TRIM41: variants seen among roughly 807,000 people sequenced by gnomAD.
TRIM41 encodes E3 ubiquitin-protein ligase TRIM41.
In TRIM41, 21 loss-of-function variants were observed where a neutral mutation model predicts 60.6. The ratio of observed to expected loss-of-function variants is 0.35; its 90% CI spans 0.25 to 0.50. The LOEUF is 0.50. Among genes scored for constraint, TRIM41 ranks in the 20% least tolerant of loss-of-function variants. The probability of loss-of-function intolerance (pLI) is 0.98; values close to 1 mark genes in which losing one functional copy is unlikely to be tolerated. For synonymous variants in TRIM41, 407 were observed against 344.9 expected, an observed-to-expected ratio of 1.18 and a Z score of -2.00; for missense variants, 846 against 868.3, an observed-to-expected ratio of 0.97 and a Z score of 0.32.
At position 181,234,562 on chromosome 5, in the gene TRIM41, G is replaced by C. The variant is rs528680158; in HGVS notation, c.1680G>C (p.Gln560His). Residue 560 changes from glutamine (Q) to histidine (H), a missense_variant, in exon 6 of 6, where the codon CAG becomes CAC. Physicochemically the swap from Gln to His is conservative, Grantham distance 24. Coordinates refer to ENST00000315073, the MANE Select transcript of TRIM41 (RefSeq NM_033549.5). This position sits in a 1 kb window ranked among gnomAD's most constrained non-coding sequence, Gnocchi z 5.6. ...WCVGTNGKRY[Q>H]AQSSTEQTLL... ...TGGGCACCAACGGCAAACGCTATCA[G>C]GCCCAGAGCTCCACAGAACAGACGC... The C allele has an allele frequency of 6.8e-5, 110 of 1,614,248 alleles. No individual in the cohort carries two copies. The East Asian group carries it at 2.2e-3, about 33-fold the overall frequency.
intron 1 of TRIM41, chr5:181,227,166 C>T (rs987799053): frequency 6.6e-6 from 1 of 152,080 alleles, no homozygotes; most frequent in Non-Finnish European, 1.5e-5. Context: ...AACCACTGCG[C>T]CTGGCCATAC....
At position 181,235,529 on chromosome 5, in the gene TRIM41, G is replaced by T; in HGVS notation, c.*754G>T. On this transcript the variant is annotated 3_prime_UTR_variant, in exon 6 of 6. Coordinates refer to ENST00000315073, the MANE Select transcript of TRIM41 (RefSeq NM_033549.5). ...TCATCCCACCCCACACCCCTCCCAG[G>T]TCTGCTCACTGCCAGGCTCCTCTCC... 1 of 1,196,204 alleles carries T rather than the reference G, an allele frequency of 8.4e-7. No homozygotes were observed. Among genetic ancestry groups the T allele is most frequent in the Admixed American group, 2.0e-5 (1 of 48,996 alleles). The allele number at this position is 1,196,204 out of a possible 1,614,324, so 74.1% of individuals were successfully genotyped here. A position where few individuals can be genotyped will look rare whatever the true frequency, so the allele number is the denominator to read the frequency against.
chr5:181,230,804 A>G lies in TRIM41; in HGVS notation c.874A>G (p.Lys292Glu). The change falls in exon 2 of 6, where the codon AAA becomes GAA. Residue 292 changes from lysine (K) to glutamate (E), a missense_variant. Physicochemically the swap from Lys to Glu is moderately conservative, Grantham distance 56. Transcript: ENST00000315073. ...RKHLEAVQKM[K>E]AKEERRVTEL... ...GCACCTGGAGGCAGTGCAGAAGATG[A>G]AAGCCAAGGAGGAGAGGCGAGTGAC... 3 of 1,613,240 alleles carry G rather than the reference A, an allele frequency of 1.9e-6. No homozygotes were observed. Among genetic ancestry groups the G allele is most frequent in the Non-Finnish European group, 2.5e-6 (3 of 1,179,446 alleles).
intron 2 of TRIM41, 125 bp from the exon 3 acceptor site, chr5:181,232,534 G>A: frequency 1.1e-6 from 1 of 873,148 alleles, no homozygotes; most frequent in Admixed American, 2.8e-5. Context: ...CTCTTTCCGG[G>A]ACTATCTTGG....
Position 181,233,938 on chromosome 5 carries a change from G to A in TRIM41, c.1291+175G>A. 8.2e-7 allele frequency: 1 copy of A among 1,224,966 alleles called. No individual in the cohort carries two copies. The highest frequency in any genetic ancestry group is 1.1e-6 in the Non-Finnish European group (1 of 872,390). 75.9% of individuals were successfully genotyped at this position (1,224,966 alleles called of 1,614,324 possible). On this transcript the variant is annotated intron_variant, in intron 5 of 5. Transcript: ENST00000315073. This position sits in a 1 kb window ranked among gnomAD's most constrained non-coding sequence, Gnocchi z 4.1. ...GAGCAGGTAGACCTAGTGCAGGCAGGCCTGGAGGGTGGGGTGGGGTGGAGT... is the reference window on the plus strand; with the variant it reads ...GAGCAGGTAGACCTAGTGCAGGCAGACCTGGAGGGTGGGGTGGGGTGGAGT...
At position 181,235,199 on chromosome 5, in the gene TRIM41, A is replaced by T. The variant is rs1215738650; in HGVS notation, c.*424A>T. On this transcript the variant is annotated 3_prime_UTR_variant, in exon 6 of 6. Transcript: ENST00000315073. ...TTGGGCAAGGCAACATCCCCATTCCAATTCCATTTTCTGATGCAGATTTTA... is the reference window on the plus strand; with the variant it reads ...TTGGGCAAGGCAACATCCCCATTCCTATTCCATTTTCTGATGCAGATTTTA... The T allele has an allele frequency of 1.7e-5, 27 of 1,548,038 alleles. No individual in the cohort carries two copies. Among genetic ancestry groups the T allele is most frequent in the Non-Finnish European group, 2.3e-5 (26 of 1,143,764 alleles).
intron 1 of TRIM41, chr5:181,227,182 T>C (rs1229144884): frequency 6.6e-6 from 1 of 151,468 alleles, no homozygotes; most frequent in East Asian, 2.0e-4. Flanking sequence ...CATACTCTCT[T>C]TTCTTGATCT....
rs77281389 is a variant in TRIM41, at chr5:181,224,897, C to T, written c.813+85C>T. ...GACCTGGGAAAAGGAAACATCTCTT[C>T]ACCCACCAAAGAACCTCATGGTATT... On this transcript the variant is annotated intron_variant, in intron 1 of 5. Coordinates refer to ENST00000315073, the MANE Select transcript of TRIM41 (RefSeq NM_033549.5). 3,849 of 1,576,968 alleles carry T rather than the reference C, an allele frequency of 2.4e-3. 89 individuals are homozygous for T. In the African/African-American group the frequency reaches 0.047, roughly 19 times the overall value.
rs778725957 is a variant in TRIM41 at position 181,234,496 on chromosome 5, C to A, written c.1614C>A (p.His538Gln). The change falls in exon 6 of 6, where the codon CAC becomes CAA. Residue 538 changes from histidine (H) to glutamine (Q), a missense_variant. Physicochemically the swap from His to Gln is conservative, Grantham distance 24 (BLOSUM62 0). Transcript: ENST00000315073. This position sits in a 1 kb window ranked among gnomAD's most constrained non-coding sequence, Gnocchi z 5.6. ...ATCACCATCGCCGCCGCCGGCTCCA[C>A]CTGCCCCAGCAGCCCCTGCTCCAGC... Reference protein sequence around the residue: ...SRHHHRRRRLHLPQQPLLQRE... With the variant: ...SRHHHRRRRLQLPQQPLLQRE... The A allele has an allele frequency of 6.2e-7, 1 of 1,613,866 alleles. No homozygotes were observed. Among genetic ancestry groups the A allele is most frequent in the South Asian group, 1.1e-5 (1 of 91,074 alleles).
At position 181,223,533 on chromosome 5, in the gene TRIM41, C is replaced by T. The variant is rs1209134912; in HGVS notation, c.-467C>T. Reference sequence around the variant, plus strand: ...AGCCCTCCCGCCCTGTTCTCTAGTGCGGACTAGAGCGTCTCCTCGCCATTT... The same window carrying T: ...AGCCCTCCCGCCCTGTTCTCTAGTGTGGACTAGAGCGTCTCCTCGCCATTT... On this transcript the variant is annotated 5_prime_UTR_variant, in exon 1 of 6. Transcript: ENST00000315073. 1.2e-5 allele frequency: 5 copies of T among 434,072 alleles called. No individual in the cohort carries two copies. Among genetic ancestry groups the T allele is most frequent in the East Asian group, 3.2e-5 (1 of 31,010 alleles). 26.9% of individuals were successfully genotyped at this position (434,072 alleles called of 1,614,324 possible). A position where few individuals can be genotyped will look rare whatever the true frequency, so the allele number is the denominator to read the frequency against.
rs1463565121 is a variant in TRIM41, at chr5:181,224,453, G to A, written c.454G>A (p.Asp152Asn). The change falls in exon 1 of 6, where the codon GAC becomes AAC. Residue 152 changes from aspartate to asparagine, a missense_variant. By Grantham distance (23) the Asp-to-Asn change is conservative. Transcript: ENST00000315073. ...GGACCTGAGGGGGGAGGATGAGGAG[G>A]ACGAGGAGGAAGTGCTGGAGGAGGT... ...EEDLRGEDEE[D>N]EEEVLEEVEE... The A allele has an allele frequency of 1.2e-6, 2 of 1,613,778 alleles. No homozygotes were observed. Among genetic ancestry groups the A allele is most frequent in the South Asian group, 1.1e-5 (1 of 91,060 alleles).
rs1759046666 is a variant in TRIM41 at position 181,235,219 on chromosome 5, A to T, written c.*444A>T. The T allele has an allele frequency of 6.4e-7, 1 of 1,571,656 alleles. No individual in the cohort carries two copies. Among genetic ancestry groups the T allele is most frequent in the Non-Finnish European group, 8.7e-7 (1 of 1,155,618 alleles). On this transcript the variant is annotated 3_prime_UTR_variant, in exon 6 of 6. Transcript: ENST00000315073. ...ATTCCAATTCCATTTTCTGATGCAG[A>T]TTTTAGCTGAGGGATTTGGAAGCCA...
Position 181,223,953 on chromosome 5 carries a change from C to T in TRIM41, c.-47C>T, listed in dbSNP as rs575944795. The T allele has an allele frequency of 1.1e-4, 175 of 1,528,998 alleles. 2 individuals are homozygous for T. The South Asian group carries it at 1.9e-3, about 17-fold the overall frequency. 94.7% of individuals were successfully genotyped at this position (1,528,998 alleles called of 1,614,324 possible). On this transcript the variant is annotated 5_prime_UTR_variant, in exon 1 of 6. Transcript: ENST00000315073. ...GGGCGTCGGTAGGGAAGACCCCCGC[C>T]CCTCGCCCCCCCACCGAACCTCTAC...
chr5:181,232,116 C>T (rs1758828831), intron 2 of TRIM41: 1 of 152,158 alleles, frequency 6.6e-6, no homozygotes, highest in South Asian at 2.1e-4. Flanking sequence ...TGTTTTGATT[C>T]CTGAATTCTT....
intron 1 of TRIM41, chr5:181,229,112 A>G (rs1035368263): frequency 2.0e-5 from 3 of 152,168 alleles, no homozygotes; most frequent in Non-Finnish European, 2.9e-5. Context: ...AATTTTGTCT[A>G]CAACCACTTA....
At chr5:181,224,871 G>T (rs1428932486) in intron 1 of TRIM41, 59 bp downstream of exon 1, 1 of 1,608,246 alleles carries the variant, frequency 6.2e-7, no homozygotes, top group African/African-American at 1.3e-5. Context: ...GGAAGTAAGG[G>T]GACCTGGGAA....
In TRIM41 at chr5:181,235,649, G is replaced by A. The variant is rs945366548; in HGVS notation, c.*874G>A. ...GAGGGGGAGCCTGGGGACGGGTTTG[G>A]GTCCCCAGGAGGAGAGCCTTGGGTA... On this transcript the variant is annotated 3_prime_UTR_variant, in exon 6 of 6. Coordinates refer to ENST00000315073, the MANE Select transcript of TRIM41 (RefSeq NM_033549.5). 9.7e-6 allele frequency: 5 copies of A among 517,190 alleles called. No homozygotes were observed. Among genetic ancestry groups the A allele is most frequent in the Admixed American group, 3.2e-5 (1 of 31,394 alleles). The allele number at this position is 517,190 out of a possible 1,614,324, so 32.0% of individuals were successfully genotyped here.
At position 181,223,956 on chromosome 5, in the gene TRIM41, T is replaced by G. The variant is rs754953003; in HGVS notation, c.-44T>G. The G allele has an allele frequency of 4.0e-4, 406 of 1,008,450 alleles. No homozygotes were observed. The highest frequency in any genetic ancestry group is 5.6e-4 in the Non-Finnish European group (371 of 664,428). 62.5% of individuals were successfully genotyped at this position (1,008,450 alleles called of 1,614,324 possible). ...CGTCGGTAGGGAAGACCCCCGCCCC[T>G]CGCCCCCCCACCGAACCTCTACACT... On this transcript the variant is annotated 5_prime_UTR_variant, in exon 1 of 6. Coordinates refer to ENST00000315073, the MANE Select transcript of TRIM41 (RefSeq NM_033549.5).
Position 181,234,910 on chromosome 5 carries a change from A to G in TRIM41, c.*135A>G, listed in dbSNP as rs775127777. ...TTGCTTCCCACTCCCCCTTGACCCCAGGCCCCTGCTTCTCCCTCTAGGAGC... is the reference window on the plus strand; with the variant it reads ...TTGCTTCCCACTCCCCCTTGACCCCGGGCCCCTGCTTCTCCCTCTAGGAGC... On this transcript the variant is annotated 3_prime_UTR_variant, in exon 6 of 6. Coordinates refer to ENST00000315073, the MANE Select transcript of TRIM41 (RefSeq NM_033549.5). The surrounding 1 kb of genome is among the most constrained non-coding windows in gnomAD (Gnocchi z 5.6). 15 of 1,613,078 alleles carry G rather than the reference A, an allele frequency of 9.3e-6. No homozygotes were observed. The highest frequency in any genetic ancestry group is 1.3e-5 in the Non-Finnish European group (15 of 1,179,932).
Sources: gnomAD v4.1 joint callset for allele counts on GRCh38, gnomAD v4.1.1 for gene constraint, Gnocchi (gnomAD v3.1) non-coding constraint, MANE v1.5 for transcripts, NCBI Gene and HGNC (gene_info 2026-07-23, HGNC 2026-07-21) for gene names.